Variants in CEP85L observed in about 807,000 individuals in gnomAD.
The protein encoded by CEP85L is centrosomal protein 85L, also known as centrosomal protein of 85 kDa-like.
A neutral mutation model predicts 100.3 loss-of-function variants in CEP85L; 60 were observed. The ratio of observed to expected loss-of-function variants is 0.60; its 90% CI spans 0.49 to 0.74. The LOEUF (loss-of-function observed/expected upper bound fraction) is 0.74, where lower values mean the gene tolerates loss of function less well. Ranked by LOEUF, CEP85L falls within the 30% of genes least tolerant of loss-of-function variation. The probability of loss-of-function intolerance (pLI) is 0.00; values close to 1 mark genes in which losing one functional copy is unlikely to be tolerated. For synonymous variants in CEP85L, 319 were observed against 322.7 expected, an observed-to-expected ratio of 0.99 and a Z score of 0.12; for missense variants, 973 against 936.2, an observed-to-expected ratio of 1.04 and a Z score of -0.51.
At chr6:118,664,903 C>T (rs1193394915) in intron 1 of CEP85L, among the ~76,000 whole-genome samples, 1 of 152,146 alleles carries the variant, frequency 6.6e-6, no homozygotes. Flanking sequence ...TCTCTCTTAC[C>T]TTCAGTGAGT....
At chr6:118,507,588 C>T (rs1475243176) in intron 5 of CEP85L, among the ~76,000 whole-genome samples, 1 of 152,202 alleles carries the variant, frequency 6.6e-6, no homozygotes, top group East Asian at 1.9e-4. Context: ...CCCTTGCTTA[C>T]CTCTTCAACC....
At chr6:118,594,962 A>G (rs1055602450) in intron 2 of CEP85L, among the ~76,000 whole-genome samples, 2 of 152,050 alleles carry the variant, frequency 1.3e-5, no homozygotes, top group Non-Finnish European at 2.9e-5. Flanking sequence ...ATGATACAGG[A>G]GAGAAAGACT....
intron 3 of CEP85L, among the ~76,000 whole-genome samples, chr6:118,564,412 T>G (rs1779387542): frequency 6.6e-6 from 1 of 152,256 alleles, no homozygotes; most frequent in East Asian, 1.9e-4. Flanking sequence ...TTTCCTATTT[T>G]TCATCACTTG....
chr6:118,541,329 A>G (rs537454636), intron 3 of CEP85L, among the ~76,000 whole-genome samples: 1 of 152,350 alleles, frequency 6.6e-6, no homozygotes, highest in Non-Finnish European at 1.5e-5. Context: ...TGAGTTAAGG[A>G]TGAAGTATGG....
intron 1 of CEP85L, among the ~76,000 whole-genome samples, chr6:118,695,619 G>A (rs1777181088): frequency 6.6e-6 from 1 of 152,206 alleles, no homozygotes; most frequent in African/African-American, 2.4e-5. Context: ...TACTGGTTCA[G>A]AGAATATAAC....
intron 2 of CEP85L, among the ~76,000 whole-genome samples, chr6:118,613,852 C>CA (rs1047949973): frequency 1.6e-4 from 24 of 151,490 alleles, no homozygotes; most frequent in Admixed American, 4.6e-4. Flanking sequence ...CAATCTCTTC[C>CA]AAAAAATAAG....
chr6:118,543,202 G>A (rs570882040), intron 3 of CEP85L, among the ~76,000 whole-genome samples: 5 of 152,016 alleles, frequency 3.3e-5, no homozygotes, highest in Admixed American at 6.5e-5. Context: ...TTACACACAC[G>A]TCAAAGTGTG....
chr6:118,617,415 G>A (rs1240997894), intron 2 of CEP85L, among the ~76,000 whole-genome samples: 2 of 152,106 alleles, frequency 1.3e-5, no homozygotes, highest in Non-Finnish European at 2.9e-5. Flanking sequence ...TGTAAACACT[G>A]TTTGTAAGTT....
chr6:118,639,138 T>A (rs1302312945), intron 1 of CEP85L, among the ~76,000 whole-genome samples: 1 of 152,194 alleles, frequency 6.6e-6, no homozygotes, highest in Non-Finnish European at 1.5e-5. Flanking sequence ...ACCAACACTT[T>A]CAAATAAAAT....
chr6:118,498,113 A>G (rs1225443292), intron 5 of CEP85L, among the ~76,000 whole-genome samples: 1 of 152,222 alleles, frequency 6.6e-6, no homozygotes, highest in African/African-American at 2.4e-5. Context: ...TATAAATGTA[A>G]ATGAAAACTA....
At chr6:118,554,429 G>C (rs1395514606) in intron 3 of CEP85L, among the ~76,000 whole-genome samples, 1 of 152,194 alleles carries the variant, frequency 6.6e-6, no homozygotes, top group South Asian at 2.1e-4. Flanking sequence ...TTATAGATGT[G>C]AGCCACCATG....
At chr6:118,666,545 T>C (rs996779383) in intron 1 of CEP85L, among the ~76,000 whole-genome samples, 5 of 152,216 alleles carry the variant, frequency 3.3e-5, no homozygotes, top group South Asian at 4.1e-4. Context: ...ATTAGCTCAT[T>C]CAATCCTCAC....
rs538299842 is a variant in CEP85L, at chr6:118,574,592, G to A, written c.233-8276C>T. On this transcript the variant is annotated intron_variant, in intron 2 of 12. Coordinates refer to ENST00000368491, the MANE Select transcript of CEP85L (RefSeq NM_001042475.3). ...GAGACATGTCCTGCTGCCTCACTGC[G>A]GTGGCCTCAGGGGTAAGGAATCAGA... Among the ~76,000 whole-genome samples the A allele has an allele frequency of 2.2e-4, 33 of 152,246 alleles. No individual in the cohort carries two copies. In the South Asian group the frequency reaches 2.7e-3, roughly 12 times the overall value.
chr6:118,482,160 A>G (rs997386682), intron 7 of CEP85L, among the ~76,000 whole-genome samples: 1 of 152,126 alleles, frequency 6.6e-6, no homozygotes, highest in African/African-American at 2.4e-5. Context: ...AGAAATTTGT[A>G]GAAGACCGAG....
chr6:118,480,309 C>A, intron 9 of CEP85L, 87 bp downstream of exon 9: 1 of 651,764 alleles, frequency 1.5e-6, no homozygotes, highest in Non-Finnish European at 2.5e-6. Flanking sequence ...AAATATAAAT[C>A]ACATAAAATA....
intron 4 of CEP85L, among the ~76,000 whole-genome samples, chr6:118,514,842 T>C (rs1304726552): frequency 1.3e-5 from 2 of 151,894 alleles, no homozygotes; most frequent in Admixed American, 6.6e-5. Flanking sequence ...TGTCACTCTG[T>C]CACTCAGGCT....
chr6:118,650,979 G>GCGGGGACGA (rs1310793419), intron 1 of CEP85L, among the ~76,000 whole-genome samples: 1 of 152,198 alleles, frequency 6.6e-6, no homozygotes, highest in African/African-American at 2.4e-5. Flanking sequence ...AGGAGGAGCG[G>GCGGGGACGA]CGGGGACGAC....
chr6:118,707,347 C>A (rs932764880), intron 1 of CEP85L, among the ~76,000 whole-genome samples: 8 of 152,146 alleles, frequency 5.3e-5, no homozygotes, highest in African/African-American at 1.7e-4. Context: ...GTGTGTGCCA[C>A]CATGCCCAGC....
chr6:118,605,146 C>T (rs1772104787), intron 2 of CEP85L, among the ~76,000 whole-genome samples: 1 of 152,100 alleles, frequency 6.6e-6, no homozygotes. Context: ...GCCAAATAAG[C>T]AGCTGAAGGC....
Sources: allele counts gnomAD v4.1 joint callset (sites outside exome capture counted in the v4.1 genomes callset), GRCh38; gene constraint gnomAD v4.1.1; transcripts MANE v1.5; gene names NCBI Gene and HGNC (gene_info 2026-07-23, HGNC 2026-07-21).